IL1RAPL2: variants seen among roughly 807,000 people sequenced by gnomAD.
The protein encoded by IL1RAPL2 is interleukin 1 receptor accessory protein like 2.
A neutral mutation model predicts 44.1 loss-of-function variants in IL1RAPL2; 3 were observed. The ratio of observed to expected loss-of-function variants is 0.07; its 90% CI spans 0.03 to 0.18. The LOEUF is 0.18. Ranked by LOEUF, IL1RAPL2 falls within the 10% of genes least tolerant of loss-of-function variation. The pLI, the probability that IL1RAPL2 is intolerant of heterozygous loss-of-function variation, is 1.00. For synonymous variants in IL1RAPL2, 181 were observed against 178.8 expected, an observed-to-expected ratio of 1.01 and a Z score of -0.10; for missense variants, 391 against 496.4, an observed-to-expected ratio of 0.79 and a Z score of 2.02.
At chrX:105,165,047 C>T (rs2033360830) in intron 2 of IL1RAPL2, among the ~76,000 whole-genome samples, 1 of 111,440 alleles carries the variant, frequency 9.0e-6, no homozygotes, top group Admixed American at 9.6e-5. Context: ...CCAAACTGCT[C>T]CTTCTCCTGT....
At chrX:105,289,065 TC>T (rs1023614747) in intron 5 of IL1RAPL2, among the ~76,000 whole-genome samples, 24 of 111,110 alleles carry the variant, frequency 2.2e-4, no homozygotes, top group Admixed American at 1.9e-4. Flanking sequence ...ATTGATACTC[TC>T]TTTTTTTTGT....
At chrX:105,253,555 GT>G (rs201483246) in intron 4 of IL1RAPL2, among the ~76,000 whole-genome samples, 22 of 108,577 alleles carry the variant, frequency 2.0e-4, no homozygotes, top group Non-Finnish European at 3.5e-4. Flanking sequence ...ATCTGAGTCT[GT>G]TTTTTTTTAA....
rs1384758437 is a variant in IL1RAPL2 at position 104,802,438 on chromosome X, A to T, written c.82+143443A>T. On this transcript the variant is annotated intron_variant, in intron 2 of 10. Coordinates refer to ENST00000372582, the MANE Select transcript of IL1RAPL2 (RefSeq NM_017416.2). Reference sequence around the variant, plus strand: ...GTTAAAATATGCATTGTAAAACTGGATAGAACTGATTTGTACGCTTTTTTT... The same window carrying T: ...GTTAAAATATGCATTGTAAAACTGGTTAGAACTGATTTGTACGCTTTTTTT... 2.7e-5 allele frequency among the ~76,000 whole-genome samples: 3 copies of T among 110,763 alleles called. No individual in the cohort carries two copies. The East Asian group carries it at 8.4e-4, about 31-fold the overall frequency.
At chrX:105,261,358 G>T (rs2034357884) in intron 4 of IL1RAPL2, among the ~76,000 whole-genome samples, 1 of 112,032 alleles carries the variant, frequency 8.9e-6, no homozygotes, top group Admixed American at 9.4e-5. Context: ...TGAAGGTATT[G>T]TATTTACTCG....
intron 2 of IL1RAPL2, among the ~76,000 whole-genome samples, chrX:104,769,489 A>C (rs1602719256): frequency 8.9e-6 from 1 of 112,424 alleles, no homozygotes; most frequent in African/African-American, 3.2e-5. Context: ...ACATTTAATG[A>C]ATGTAAAAGA....
intron 2 of IL1RAPL2, among the ~76,000 whole-genome samples, chrX:104,983,922 G>T (rs947130398): frequency 9.1e-6 from 1 of 109,391 alleles, no homozygotes; most frequent in African/African-American, 3.3e-5. Flanking sequence ...CTTGGCAAGG[G>T]CTCCATTGAG....
At chrX:105,207,013 A>T (rs2033769506) in intron 3 of IL1RAPL2, among the ~76,000 whole-genome samples, 1 of 111,348 alleles carries the variant, frequency 9.0e-6, no homozygotes, top group Admixed American at 9.6e-5. Flanking sequence ...TTTTTCAAAA[A>T]CTCATTGCAT....
chrX:105,125,585 G>A (rs2032967008), intron 2 of IL1RAPL2, among the ~76,000 whole-genome samples: 1 of 111,423 alleles, frequency 9.0e-6, no homozygotes, highest in South Asian at 3.7e-4. Context: ...GAAGTTCTCT[G>A]ATTATGTTTA....
chrX:105,011,479 G>A (rs916965496), intron 2 of IL1RAPL2, among the ~76,000 whole-genome samples: 2 of 111,169 alleles, frequency 1.8e-5, no homozygotes, highest in African/African-American at 6.5e-5. Context: ...ACCAGTTAGA[G>A]CATTTTAATC....
At chrX:104,848,409 G>GTATATATA (rs35503754) in intron 2 of IL1RAPL2, among the ~76,000 whole-genome samples, 165 of 64,842 alleles carry the variant, frequency 2.5e-3, no homozygotes, top group Non-Finnish European at 3.4e-3. Context: ...ATTTTTATCT[G>GTATATATA]TATATATATA....
chrX:105,542,685 TA>T (rs200501843), intron 6 of IL1RAPL2, among the ~76,000 whole-genome samples: 2,162 of 95,664 alleles, frequency 0.023, 66 homozygotes, highest in African/African-American at 0.083. Context: ...TTTTATTTTT[TA>T]TATTTTTTAT....
intron 2 of IL1RAPL2, among the ~76,000 whole-genome samples, chrX:104,865,837 C>T (rs1433102325): frequency 1.8e-5 from 2 of 112,809 alleles, no homozygotes; most frequent in African/African-American, 3.2e-5. Flanking sequence ...CTGTCAGCTT[C>T]CCTACTCTTG....
In IL1RAPL2 at chrX:104,822,791, C is replaced by T. The variant is rs765255350; in HGVS notation, c.82+163796C>T. 1.9e-4 allele frequency among the ~76,000 whole-genome samples: 21 copies of T among 111,095 alleles called. No individual in the cohort carries two copies. The South Asian group carries it at 8.2e-3, about 43-fold the overall frequency. ...AAAGTCGTTTTTTTCAAATTTTGTG[C>T]AGAAAGTCAGTGTTAGCTTGATGGG... On this transcript the variant is annotated intron_variant, in intron 2 of 10. Transcript: ENST00000372582.
At chrX:104,941,619 A>G (rs1377451327) in intron 2 of IL1RAPL2, among the ~76,000 whole-genome samples, 2 of 111,282 alleles carry the variant, frequency 1.8e-5, no homozygotes, top group Non-Finnish European at 3.8e-5. Context: ...AGACGGGTAG[A>G]TTGTAAAAAT....
intron 2 of IL1RAPL2, among the ~76,000 whole-genome samples, chrX:104,848,618 T>C (rs993622298): frequency 9.2e-6 from 1 of 108,118 alleles, no homozygotes; most frequent in Non-Finnish European, 1.9e-5. Flanking sequence ...ATACATCTTT[T>C]GTGGTTCACT....
At chrX:105,089,418 C>G (rs908888720) in intron 2 of IL1RAPL2, among the ~76,000 whole-genome samples, 5 of 111,177 alleles carry the variant, frequency 4.5e-5, no homozygotes, top group African/African-American at 1.6e-4. Context: ...TATTTTCCTT[C>G]TTACTCTGTA....
intron 5 of IL1RAPL2, among the ~76,000 whole-genome samples, chrX:105,442,197 C>T (rs867487585): frequency 7.3e-5 from 8 of 109,310 alleles, no homozygotes; most frequent in Middle Eastern, 4.3e-3. Context: ...ACTACAGGTG[C>T]CCACCACCAT....
chrX:105,450,648 G>A (rs1300583633), intron 5 of IL1RAPL2, among the ~76,000 whole-genome samples: 1 of 111,387 alleles, frequency 9.0e-6, no homozygotes, highest in East Asian at 2.8e-4. Context: ...TTGTATTGAA[G>A]TCTTCAGTAT....
intron 6 of IL1RAPL2, among the ~76,000 whole-genome samples, chrX:105,573,805 T>C (rs1393940052): frequency 1.8e-5 from 2 of 111,841 alleles, no homozygotes; most frequent in Non-Finnish European, 3.8e-5. Context: ...TGAAACAAAA[T>C]TAAGAGTTAT....
Sources: allele counts gnomAD v4.1 joint callset (sites outside exome capture counted in the v4.1 genomes callset), GRCh38; gene constraint gnomAD v4.1.1; transcripts MANE v1.5; gene names NCBI Gene and HGNC (gene_info 2026-07-23, HGNC 2026-07-21).